The following HSPG2 variants were observed in gnomAD, a reference collection of about 807,000 sequenced individuals.
The protein encoded by HSPG2 is heparan sulfate proteoglycan 2.
A neutral mutation model predicts 526.6 loss-of-function variants in HSPG2; 278 were observed. The ratio of observed to expected loss-of-function variants is 0.53; its 90% CI spans 0.48 to 0.58. The LOEUF (loss-of-function observed/expected upper bound fraction) is 0.58. Ranked by LOEUF, HSPG2 falls within the 20% of genes least tolerant of loss-of-function variation. The pLI, the probability that HSPG2 is intolerant of heterozygous loss-of-function variation, is 0.00. For missense variants in HSPG2, 5,354 were observed against 6,099.5 expected (o/e 0.88, Z 4.07); for synonymous variants, 2,465 against 2,555.4 (o/e 0.96, Z 1.07).
At chr1:21,831,361 G>T in intron 83 of HSPG2, 37 bp from the exon 84 acceptor site, 1 of 1,606,664 alleles carries the variant, frequency 6.2e-7, no homozygotes, top group African/African-American at 1.3e-5. Context: ...ACAGGGCAGG[G>T]TGTCCCAGCC....
In HSPG2 at chr1:21,872,163, C is replaced by T. The variant is rs1173636394; in HGVS notation, c.4221+23G>A. ...AACTCATGTCTGAGTCACGGCTGACCCTGGTGCTTGGCTGGGGCCCACCTT... is the reference window on the plus strand; with the variant it reads ...AACTCATGTCTGAGTCACGGCTGACTCTGGTGCTTGGCTGGGGCCCACCTT... On this transcript the variant is annotated intron_variant, in intron 33 of 96. Coordinates refer to ENST00000374695, the MANE Select transcript of HSPG2 (RefSeq NM_005529.7). This position sits in a 1 kb window ranked among gnomAD's most constrained non-coding sequence, Gnocchi z 5.5. The T allele has an allele frequency of 6.4e-7, 1 of 1,551,306 alleles. No individual in the cohort carries two copies.
chr1:21,863,101 G>A (rs1335016642), intron 37 of HSPG2, among the ~76,000 whole-genome samples: 14 of 119,544 alleles, frequency 1.2e-4, no homozygotes, highest in Admixed American at 9.4e-4. Context: ...GGCTGGGTGT[G>A]GTGGCTCACA....
rs183086607 is a variant in HSPG2, at chr1:21,906,537, T to C, written c.64-10227A>G. ...GAGATAGGCCTGTGGAGAGCAGAGC[T>C]GGAAATCAGAGCAAGGGGTCCTCGT... On this transcript the variant is annotated intron_variant, in intron 1 of 96. Coordinates refer to ENST00000374695, the MANE Select transcript of HSPG2 (RefSeq NM_005529.7). Among the ~76,000 whole-genome samples the C allele has an allele frequency of 6.9e-3, 1,054 of 152,272 alleles. 10 individuals carry two copies. The highest frequency in any genetic ancestry group is 8.8e-3 in the Non-Finnish European group (597 of 68,016).
intron 64 of HSPG2, 106 bp from the exon 65 acceptor site, chr1:21,844,405 TC>T: frequency 7.9e-7 from 1 of 1,270,912 alleles, no homozygotes; most frequent in African/African-American, 1.5e-5. Context: ...GGACATGGCT[TC>T]TTTCCCTTCC....
intron 66 of HSPG2, 89 bp downstream of exon 66, chr1:21,843,208 G>A (rs1176462371): frequency 3.8e-6 from 6 of 1,577,378 alleles, no homozygotes; most frequent in Non-Finnish European, 5.2e-6. Flanking sequence ...GCAACAATAA[G>A]TGCCCGGCTG....
intron 2 of HSPG2, 22 bp downstream of exon 2, chr1:21,896,153 C>A: frequency 6.2e-7 from 1 of 1,613,976 alleles, no homozygotes; most frequent in Non-Finnish European, 8.5e-7. Context: ...CCTCTGCTCC[C>A]AGCCTTGGAT....
At position 21,896,159 on chromosome 1, in the gene HSPG2, T is replaced by G; in HGVS notation, c.199+16A>C. On this transcript the variant is annotated intron_variant, in intron 2 of 96. Coordinates refer to ENST00000374695, the MANE Select transcript of HSPG2 (RefSeq NM_005529.7). The stretch of plus-strand genomic sequence containing the variant: ...CCCCCCACCCCTCTGCTCCCAGCCT[T>G]GGATCCTTGGCTCACCTCCTGAGAT... 1 of 1,613,806 alleles carries G rather than the reference T, an allele frequency of 6.2e-7. No homozygotes were observed. The highest frequency in any genetic ancestry group is 1.1e-5 in the South Asian group (1 of 91,050).
At position 21,859,077 on chromosome 1, in the gene HSPG2, T is replaced by C. The variant is rs2152728673; in HGVS notation, c.5293+489A>G. ...ATTATTATTTTTTTAAGACAGAGTC[T>C]TGCTCTGTTGCCCAGGCTGGAGTGC... is the stretch of plus-strand genomic sequence containing the variant. On this transcript the variant is annotated intron_variant, in intron 42 of 96. Coordinates refer to ENST00000374695, the MANE Select transcript of HSPG2 (RefSeq NM_005529.7). This position sits in a 1 kb window ranked among gnomAD's most constrained non-coding sequence, Gnocchi z 5.3. Among the ~76,000 whole-genome samples, 1 of 152,182 alleles carries C rather than the reference T, an allele frequency of 6.6e-6. No individual in the cohort carries two copies. The highest frequency in any genetic ancestry group is 1.5e-5 in the Non-Finnish European group (1 of 68,008).
Position 21,888,699 on chromosome 1 carries a change from C to T in HSPG2, c.575-633G>A, listed in dbSNP as rs199847627. 4,118 of 1,364,676 alleles carry T rather than the reference C, an allele frequency of 3.0e-3. 34 individuals are homozygous for T. The highest frequency in any genetic ancestry group is 0.018 in the South Asian group (1,538 of 87,780). 84.5% of individuals were successfully genotyped at this position (1,364,676 alleles called of 1,614,324 possible). ...TCACTGCGACCGCCACAGCGGCCGG[C>T]GGGGGTGGGGGGGTCTGTGCTGGAA... On this transcript the variant is annotated intron_variant, in intron 6 of 96. Coordinates refer to ENST00000374695, the MANE Select transcript of HSPG2 (RefSeq NM_005529.7).
At chr1:21,850,698 C>T (rs908610341) in intron 55 of HSPG2, among the ~76,000 whole-genome samples, 200 bp from the exon 56 acceptor site, 6 of 152,234 alleles carry the variant, frequency 3.9e-5, no homozygotes, top group African/African-American at 1.2e-4. Flanking sequence ...GGTACACACT[C>T]ACACCACATC....
At chr1:21,906,444 C>A (rs1456541128) in intron 1 of HSPG2, among the ~76,000 whole-genome samples, 1 of 152,200 alleles carries the variant, frequency 6.6e-6, no homozygotes, top group Non-Finnish European at 1.5e-5. Context: ...CCCCTGCCCC[C>A]AGGCTGGGCT....
rs1304574630 is a variant in HSPG2, at chr1:21,872,178, G to A, written c.4221+8C>T. 4.5e-6 allele frequency: 7 copies of A among 1,551,610 alleles called. 1 individual carries two copies. In the South Asian group the frequency reaches 8.3e-5, roughly 18 times the overall value. Reference sequence around the variant, plus strand: ...CACGGCTGACCCTGGTGCTTGGCTGGGGCCCACCTTGTCTCCCTGGTATGT... The same window carrying A: ...CACGGCTGACCCTGGTGCTTGGCTGAGGCCCACCTTGTCTCCCTGGTATGT... On this transcript the variant is annotated splice_region_variant and intron_variant, in intron 33 of 96. Coordinates refer to ENST00000374695, the MANE Select transcript of HSPG2 (RefSeq NM_005529.7). This position sits in a 1 kb window ranked among gnomAD's most constrained non-coding sequence, Gnocchi z 5.5.
In HSPG2 at chr1:21,833,933, G is replaced by A. The variant is rs371225050; in HGVS notation, c.10721-8C>T. On this transcript the variant is annotated splice_polypyrimidine_tract_variant and splice_region_variant and intron_variant, in intron 77 of 96. Coordinates refer to ENST00000374695, the MANE Select transcript of HSPG2 (RefSeq NM_005529.7). ...TTGAGATCTGGGGCAAGGCTGAGAG[G>A]CATGGAAGAGACATAGGCCATCAAC... 32 of 1,558,340 alleles carry A rather than the reference G, an allele frequency of 2.1e-5. No individual in the cohort carries two copies. In the African/African-American group the frequency reaches 4.1e-4, roughly 20 times the overall value.
At chr1:21,882,923 C>T (rs1044176043) in intron 13 of HSPG2, among the ~76,000 whole-genome samples, 1 of 152,172 alleles carries the variant, frequency 6.6e-6, no homozygotes, top group Non-Finnish European at 1.5e-5. Context: ...AATGACCGAG[C>T]ACAGCCCCGG....
chr1:21,934,762 A>C (rs1041979462), intron 1 of HSPG2, among the ~76,000 whole-genome samples: 6 of 151,608 alleles, frequency 4.0e-5, no homozygotes, highest in Non-Finnish European at 8.8e-5. Flanking sequence ...TGCCTGGCTA[A>C]CTTTTTGCAT....
At chr1:21,841,909 C>A in intron 69 of HSPG2, 93 bp downstream of exon 69, 1 of 1,528,676 alleles carries the variant, frequency 6.5e-7, no homozygotes, top group Non-Finnish European at 9.0e-7. Context: ...GAATGTGGGG[C>A]GTCCAGACTT....
chr1:21,921,646 C>G (rs1644041390), intron 1 of HSPG2, among the ~76,000 whole-genome samples: 1 of 152,222 alleles, frequency 6.6e-6, no homozygotes, highest in Admixed American at 6.5e-5. Context: ...TCAGAGTAAT[C>G]ATTAACCAGC....
chr1:21,875,386 C>G (rs906562935), intron 25 of HSPG2, among the ~76,000 whole-genome samples: 2 of 152,156 alleles, frequency 1.3e-5, no homozygotes, highest in Admixed American at 6.5e-5. Flanking sequence ...GGCCCCTCCC[C>G]CCTCCTGCGT....
intron 33 of HSPG2, among the ~76,000 whole-genome samples, chr1:21,868,432 A>G (rs1039725781): frequency 6.6e-6 from 1 of 152,234 alleles, no homozygotes. Context: ...ACTCATGATG[A>G]TAATAATAAT....
Sources: allele counts gnomAD v4.1 joint callset (sites outside exome capture counted in the v4.1 genomes callset), GRCh38; gene constraint gnomAD v4.1.1; non-coding constraint Gnocchi (gnomAD v3.1); transcripts MANE v1.5; gene names NCBI Gene and HGNC (gene_info 2026-07-23, HGNC 2026-07-21).